The following HIBADH variants were observed in gnomAD, a reference collection of about 807,000 sequenced individuals.
The protein encoded by HIBADH is 3-hydroxyisobutyrate dehydrogenase, mitochondrial.
A neutral mutation model predicts 36.1 loss-of-function variants in HIBADH; 25 were observed. The observed-to-expected ratio is 0.69, with a 90% CI of 0.50 to 0.97. HIBADH has a LOEUF of 0.97. Ranked by LOEUF, HIBADH falls within the 50% of genes least tolerant of loss-of-function variation. The pLI is 0.00. For missense variants in HIBADH, 421 were observed against 418.0 expected, an observed-to-expected ratio of 1.01 and a Z score of -0.06; for synonymous variants, 160 against 149.5, an observed-to-expected ratio of 1.07 and a Z score of -0.51.
chr7:27,631,680 A>T (rs1296225935), intron 3 of HIBADH, among the ~76,000 whole-genome samples: 1 of 152,178 alleles, frequency 6.6e-6, no homozygotes, highest in African/African-American at 2.4e-5. Flanking sequence ...AACTGACCTA[A>T]ACTGTATTTT....
chr7:27,641,690 T>C (rs572563244), intron 2 of HIBADH, among the ~76,000 whole-genome samples: 1 of 152,230 alleles, frequency 6.6e-6, no homozygotes, highest in Non-Finnish European at 1.5e-5. Context: ...TTTAAAGTAG[T>C]GCTCTTAGGA....
At chr7:27,650,458 A>G (rs1786163214) in intron 1 of HIBADH, among the ~76,000 whole-genome samples, 1 of 137,050 alleles carries the variant, frequency 7.3e-6, no homozygotes, top group South Asian at 2.3e-4. Context: ...TCCTTATTAT[A>G]TTTTTATTTA....
chr7:27,578,951 G>A (rs1357977388), intron 4 of HIBADH, among the ~76,000 whole-genome samples: 1 of 152,118 alleles, frequency 6.6e-6, no homozygotes, highest in Non-Finnish European at 1.5e-5. Flanking sequence ...AATCAAGAAT[G>A]AGGAACATTT....
intron 4 of HIBADH, among the ~76,000 whole-genome samples, chr7:27,593,170 C>T (rs1784971285): frequency 6.6e-6 from 1 of 152,210 alleles, no homozygotes; most frequent in African/African-American, 2.4e-5. Flanking sequence ...GTCCAAAAAT[C>T]TGAAATCCGA....
intron 4 of HIBADH, among the ~76,000 whole-genome samples, chr7:27,552,586 A>G (rs1423953588): frequency 6.6e-6 from 1 of 152,228 alleles, no homozygotes; most frequent in Non-Finnish European, 1.5e-5. Flanking sequence ...CAGACTTTAC[A>G]TAACGCAGAC....
intron 4 of HIBADH, among the ~76,000 whole-genome samples, chr7:27,600,957 G>T (rs1188160044): frequency 6.6e-6 from 1 of 152,112 alleles, no homozygotes; most frequent in African/African-American, 2.4e-5. Context: ...AATCTATTGG[G>T]TAAGTGGGTT....
At chr7:27,541,411 A>G (rs1157420518) in intron 5 of HIBADH, among the ~76,000 whole-genome samples, 1 of 152,128 alleles carries the variant, frequency 6.6e-6, no homozygotes, top group Admixed American at 6.6e-5. Flanking sequence ...GAATCATATT[A>G]GATGTAAGTA....
chr7:27,639,603 C>T (rs1785923371), intron 2 of HIBADH, among the ~76,000 whole-genome samples: 1 of 152,156 alleles, frequency 6.6e-6, no homozygotes, highest in East Asian at 1.9e-4. Context: ...TAAAAAACAT[C>T]AACTGCAAGC....
At position 27,646,277 on chromosome 7, in the gene HIBADH, C is replaced by T. The variant is rs79162760; in HGVS notation, c.252+3196G>A. ...AGTTTATAAATAGGTTAACAGGTAG[C>T]TACATTTCAGAATCATCAACACAGA... On this transcript the variant is annotated intron_variant, in intron 2 of 7. Coordinates refer to ENST00000265395, the MANE Select transcript of HIBADH (RefSeq NM_152740.4). Among the ~76,000 whole-genome samples, 390 of 152,282 alleles carry T rather than the reference C, an allele frequency of 2.6e-3. 5 individuals are homozygous for T. In the East Asian group the frequency reaches 0.026, roughly 10 times the overall value.
At chr7:27,638,275 G>T (rs1785882835) in intron 2 of HIBADH, among the ~76,000 whole-genome samples, 1 of 111,922 alleles carries the variant, frequency 8.9e-6, no homozygotes, top group Non-Finnish European at 1.7e-5. Context: ...AAACAATGCT[G>T]CACACCTATA....
At chr7:27,589,792 C>T (rs954479907) in intron 4 of HIBADH, among the ~76,000 whole-genome samples, 14 of 152,278 alleles carry the variant, frequency 9.2e-5, no homozygotes, top group South Asian at 2.1e-4. Context: ...GTGGCAAAGA[C>T]TCTGTGGTTG....
chr7:27,555,846 T>G (rs369022345), intron 4 of HIBADH, among the ~76,000 whole-genome samples: 21 of 152,256 alleles, frequency 1.4e-4, no homozygotes, highest in African/African-American at 5.1e-4. Context: ...CATGTCTATC[T>G]TCTCAAGTCA....
intron 4 of HIBADH, among the ~76,000 whole-genome samples, chr7:27,597,445 G>GT (rs1424325802): frequency 1.6e-5 from 1 of 62,532 alleles, no homozygotes; most frequent in Non-Finnish European, 2.9e-5. Context: ...CATAGACTCA[G>GT]TAAAAAAAAA....
At chr7:27,589,374 TGCTA>T (rs933535837) in intron 4 of HIBADH, among the ~76,000 whole-genome samples, 2 of 152,200 alleles carry the variant, frequency 1.3e-5, no homozygotes, top group Admixed American at 6.5e-5. Context: ...TAAACTATGC[TGCTA>T]GCTCTCAAAT....
chr7:27,644,309 C>T (rs908047111), intron 2 of HIBADH, among the ~76,000 whole-genome samples: 2 of 151,500 alleles, frequency 1.3e-5, no homozygotes, highest in African/African-American at 4.9e-5. Flanking sequence ...ACTAAAAATA[C>T]AAAAAATTGG....
At chr7:27,644,806 A>G (rs1172767268) in intron 2 of HIBADH, among the ~76,000 whole-genome samples, 1 of 151,758 alleles carries the variant, frequency 6.6e-6, no homozygotes, top group Non-Finnish European at 1.5e-5. Flanking sequence ...ATTAGCTATC[A>G]TTCCTCTATG....
intron 4 of HIBADH, among the ~76,000 whole-genome samples, chr7:27,626,348 TAC>T (rs1441874425): frequency 1.6e-4 from 24 of 152,294 alleles, no homozygotes; most frequent in Non-Finnish European, 3.1e-4. Flanking sequence ...AAGTGATAAC[TAC>T]ACAAATATTA....
rs1335044604 is a variant in HIBADH, at chr7:27,525,669, C to G, written c.*545G>C. On this transcript the variant is annotated 3_prime_UTR_variant, in exon 8 of 8. Transcript: ENST00000265395. ...ATATCCTACCATATTGTGACGGAGTCCAAATAGAAAACATGCAGCAACAGT... is the reference window on the plus strand; with the variant it reads ...ATATCCTACCATATTGTGACGGAGTGCAAATAGAAAACATGCAGCAACAGT... The G allele has an allele frequency of 6.6e-6, 1 of 152,144 alleles. No homozygotes were observed. Among genetic ancestry groups the G allele is most frequent in the Non-Finnish European group, 1.5e-5 (1 of 68,034 alleles). 9.4% of individuals were successfully genotyped at this position (152,144 alleles called of 1,614,324 possible).
intron 4 of HIBADH, among the ~76,000 whole-genome samples, chr7:27,562,425 TAATTTA>T (rs968843849): frequency 2.0e-5 from 3 of 152,270 alleles, no homozygotes; most frequent in African/African-American, 7.2e-5. Context: ...TTTATCCAAA[TAATTTA>T]AATTACCCAA....
Sources: allele counts gnomAD v4.1 joint callset (sites outside exome capture counted in the v4.1 genomes callset), GRCh38; gene constraint gnomAD v4.1.1; transcripts MANE v1.5; gene names NCBI Gene and HGNC (gene_info 2026-07-23, HGNC 2026-07-21).